MYOM2: variants seen among roughly 807,000 people sequenced by gnomAD.
The protein encoded by MYOM2 is myomesin-2.
Under a neutral mutation model 187.6 loss-of-function variants are expected in MYOM2, and 254 were observed. The ratio of observed to expected loss-of-function variants is 1.35; its 90% CI spans 1.22 to 1.50. The LOEUF (loss-of-function observed/expected upper bound fraction) is 1.50, where lower values mean the gene tolerates loss of function less well. Ranked by LOEUF, MYOM2 falls within the 40% of genes most tolerant of loss-of-function variation. The pLI is 0.00. For missense variants in MYOM2, 2,796 were observed against 1,924.0 expected (o/e 1.45, Z -8.48); for synonymous variants, 981 against 753.8 (o/e 1.30, Z -4.94).
At chr8:2,050,899 G>A (rs769315339) in intron 2 of MYOM2, 26 bp downstream of exon 2, 7 of 1,542,980 alleles carry the variant, frequency 4.5e-6, no homozygotes, top group African/African-American at 1.4e-5. Context: ...CTGATGAGAC[G>A]CGCAGAGCTT....
rs1819524004 is a variant in MYOM2, at chr8:2,078,836, C to G, written c.1365C>G (p.Phe455Leu). 1.2e-6 allele frequency: 2 copies of G among 1,613,990 alleles called. No homozygotes were observed. The highest frequency in any genetic ancestry group is 1.3e-5 in the African/African-American group (1 of 74,900). Residue 455 changes from phenylalanine to leucine, a missense_variant, in exon 12 of 37, where the codon TTC becomes TTG. Phe to Leu is a conservative substitution (Grantham distance 22). Transcript: ENST00000262113. ...TTTTTGAAGGAAGGTCTTACATATTCCGAGTGAGGGCAGTGAACAGTGCGG... is the reference window on the plus strand; with the variant it reads ...TTTTTGAAGGAAGGTCTTACATATTGCGAGTGAGGGCAGTGAACAGTGCGG... Reference protein sequence around the residue: ...TGLFEGRSYIFRVRAVNSAGI... With the variant: ...TGLFEGRSYILRVRAVNSAGI...
intron 32 of MYOM2, among the ~76,000 whole-genome samples, chr8:2,137,159 G>C (rs1798106607): frequency 6.6e-6 from 1 of 151,186 alleles, no homozygotes; most frequent in Non-Finnish European, 1.5e-5. Context: ...ACATAATTTA[G>C]CTCTTTGAAG....
Position 2,055,019 on chromosome 8 carries a change from G to A in MYOM2, c.264-2329G>A, listed in dbSNP as rs1585820999. On this transcript the variant is annotated intron_variant, in intron 3 of 36. Coordinates refer to ENST00000262113, the MANE Select transcript of MYOM2 (RefSeq NM_003970.4). ...AAGTACCTGGATACTGGGGAACCAA[G>A]TACCTGGATACTGGGGAACCAAGTA... Among the ~76,000 whole-genome samples the A allele has an allele frequency of 4.1e-5, 4 of 96,714 alleles. 2 individuals carry two copies. The South Asian group carries it at 1.6e-3, about 38-fold the overall frequency. 63.4% of individuals were successfully genotyped at this position (96,714 alleles called of 152,430 possible).
chr8:2,123,702 T>A lies in MYOM2; in HGVS notation c.3655+60T>A, dbSNP rs1042595931. 1.7e-5 allele frequency: 25 copies of A among 1,457,652 alleles called. No homozygotes were observed. In the African/African-American group the frequency reaches 2.8e-4, roughly 16 times the overall value. 90.3% of individuals were successfully genotyped at this position (1,457,652 alleles called of 1,614,324 possible). ...AATTCCTTTCACCAACAGGATGGGA[T>A]GTATTCTGAAGGCAGGTCTATGTCT... is the stretch of plus-strand genomic sequence containing the variant. On this transcript the variant is annotated intron_variant, in intron 30 of 36. Transcript: ENST00000262113.
intron 11 of MYOM2, among the ~76,000 whole-genome samples, chr8:2,078,370 C>T (rs1180704007): frequency 2.6e-5 from 4 of 152,088 alleles, no homozygotes; most frequent in Non-Finnish European, 4.4e-5. Flanking sequence ...TTAGGGGTGC[C>T]GTGACTATGT....
chr8:2,086,255 G>GCA (rs1323686411), intron 14 of MYOM2, among the ~76,000 whole-genome samples: 1 of 70,844 alleles, frequency 1.4e-5, no homozygotes, highest in Non-Finnish European at 3.5e-5. Context: ...TCTTTGCGTG[G>GCA]CCCCACTGTC....
intron 32 of MYOM2, among the ~76,000 whole-genome samples, chr8:2,134,005 C>CATCTTAT (rs1797967609): frequency 6.7e-6 from 1 of 150,348 alleles, no homozygotes; most frequent in African/African-American, 2.5e-5. Flanking sequence ...CTGAGGTTAA[C>CATCTTAT]GCCTTGTGTA....
intron 32 of MYOM2, among the ~76,000 whole-genome samples, chr8:2,134,852 T>C (rs927356099): frequency 2.6e-5 from 4 of 152,182 alleles, no homozygotes; most frequent in African/African-American, 9.7e-5. Flanking sequence ...TCATATCTTC[T>C]GCCCCATTGC....
In MYOM2 at chr8:2,144,452, G is replaced by C. The variant is rs369446020; in HGVS notation, c.4081-212G>C. 5.9e-5 allele frequency among the ~76,000 whole-genome samples: 9 copies of C among 152,142 alleles called. No homozygotes were observed. The East Asian group carries it at 1.7e-3, about 29-fold the overall frequency. On this transcript the variant is annotated intron_variant, in intron 36 of 36. Coordinates refer to ENST00000262113, the MANE Select transcript of MYOM2 (RefSeq NM_003970.4). ...GACACATGCTCACTGATTTTTTTAC[G>C]AGCTCGCCTGTGAAGTGGTGAACCT... is the stretch of plus-strand genomic sequence containing the variant.
intron 33 of MYOM2, 107 bp from the exon 34 acceptor site, chr8:2,141,034 T>C (rs1387559379): frequency 7.5e-7 from 1 of 1,332,524 alleles, no homozygotes; most frequent in East Asian, 2.5e-5. Flanking sequence ...TTATTCTTTT[T>C]TTATATATCA....
Position 2,109,486 on chromosome 8 carries a change from C to T in MYOM2, c.3135C>T (p.Ala1045=). ...AGGCTGAGCACTTATCACCAGATGC[C>T]AGCTACCGATTTATTATTAACGACA... The part of the protein sequence containing the change: ...WLQAEHLSPD[A]SYRFIINDRE... Residue 1045 remains alanine (A), a synonymous_variant, in exon 25 of 37, where the codon GCC becomes GCT. Transcript: ENST00000262113. The T allele has an allele frequency of 6.2e-7, 1 of 1,613,366 alleles. No individual in the cohort carries two copies.
Position 2,069,284 on chromosome 8 carries a change from C to CT in MYOM2, c.663dup (p.Asp222Ter). 2 of 1,611,608 alleles carry CT rather than the reference C, an allele frequency of 1.2e-6. No individual in the cohort carries two copies. The highest frequency in any genetic ancestry group is 1.7e-6 in the Non-Finnish European group (2 of 1,178,744). On this transcript the variant is annotated frameshift_variant, in exon 7 of 37. Transcript: ENST00000262113. LOFTEE classifies it high-confidence loss of function. ...TTGTTTTTTTCTCTCCAAGGGCAGA[C>CT]TTTGACGACACTGCGACATACTCAG...
intron 32 of MYOM2, 121 bp from the exon 33 acceptor site, chr8:2,140,602 T>C (rs1030554898): frequency 2.5e-5 from 23 of 921,960 alleles, no homozygotes; most frequent in Admixed American, 1.3e-4. Flanking sequence ...GAATAATCTA[T>C]TGTGACATTG....
intron 9 of MYOM2, among the ~76,000 whole-genome samples, 185 bp downstream of exon 9, chr8:2,072,694 A>C (rs1384374757): frequency 6.6e-6 from 1 of 152,232 alleles, no homozygotes; most frequent in Non-Finnish European, 1.5e-5. Context: ...ATCCAGGAGA[A>C]TCCTGGAGAG....
rs1054180703 is a variant in MYOM2, at chr8:2,057,771, T to C, written c.551T>C (p.Val184Ala). The change falls in exon 5 of 37, where the codon GTG becomes GCG. Residue 184 changes from valine (V) to alanine (A), a missense_variant. Transcript: ENST00000262113. The stretch of plus-strand genomic sequence containing the variant: ...ACCGTGCAAGGATTTCCCACGCCCG[T>C]GGTGCAGTGGTGAGGGGCTCTGTTC... ...CFTVQGFPTPVVQWYKDGSLI... is the reference protein window; with the variant it reads ...CFTVQGFPTPAVQWYKDGSLI... 1 of 1,614,046 alleles carries C rather than the reference T, an allele frequency of 6.2e-7. No homozygotes were observed. The highest frequency in any genetic ancestry group is 1.3e-5 in the African/African-American group (1 of 75,038).
intron 36 of MYOM2, 58 bp downstream of exon 36, chr8:2,143,514 C>G: frequency 1.2e-6 from 2 of 1,600,728 alleles, no homozygotes; most frequent in South Asian, 2.2e-5. Flanking sequence ...TGGACGCAAC[C>G]CCTTCTCTTG....
chr8:2,131,456 G>C (rs541338142), intron 32 of MYOM2, among the ~76,000 whole-genome samples: 23 of 151,936 alleles, frequency 1.5e-4, no homozygotes, highest in Non-Finnish European at 2.9e-4. Flanking sequence ...TCCTAGATAG[G>C]CAGGCAGATC....
At chr8:2,092,122 G>A (rs1284521417) in intron 15 of MYOM2, among the ~76,000 whole-genome samples, 1 of 152,082 alleles carries the variant, frequency 6.6e-6, no homozygotes, top group African/African-American at 2.4e-5. Context: ...GTGTCTCTAG[G>A]AGTTGTGTGG....
chr8:2,057,919 AG>A, intron 5 of MYOM2, 139 bp downstream of exon 5: 1 of 842,486 alleles, frequency 1.2e-6, no homozygotes, highest in East Asian at 3.0e-5. Context: ...ATATGTTTAT[AG>A]AAGCTCTGAA....
Sources: gnomAD v4.1 joint callset for allele counts (sites outside exome capture counted in the v4.1 genomes callset) on GRCh38, gnomAD v4.1.1 for gene constraint, MANE v1.5 for transcripts, NCBI Gene and HGNC (gene_info 2026-07-23, HGNC 2026-07-21) for gene names.